Variants in MICAL2 observed in about 807,000 individuals in gnomAD.
MICAL2 encodes the protein [F-actin]-monooxygenase MICAL2.
Under a neutral mutation model 127.3 loss-of-function variants are expected in MICAL2, and 77 were observed. The ratio of observed to expected loss-of-function variants is 0.60; its 90% confidence interval spans 0.50 to 0.73. The LOEUF (loss-of-function observed/expected upper bound fraction) is 0.73. MICAL2 is among the 30% of genes least tolerant of loss of function. MICAL2 has a pLI of 0.00. For missense variants in MICAL2, 1,351 were observed against 1,434.4 expected (o/e 0.94, Z 0.94); for synonymous variants, 570 against 551.1 (o/e 1.03, Z -0.48).
At chr11:12,124,268 G>A (rs1364969112) in intron 1 of MICAL2, among the ~76,000 whole-genome samples, 1 of 152,136 alleles carries the variant, frequency 6.6e-6, no homozygotes, top group Non-Finnish European at 1.5e-5. Flanking sequence ...GGACCCCTCT[G>A]TCACACTCCT....
intron 1 of MICAL2, among the ~76,000 whole-genome samples, chr11:12,122,917 T>A (rs1850625094): frequency 6.6e-6 from 1 of 152,158 alleles, no homozygotes; most frequent in African/African-American, 2.4e-5. Flanking sequence ...AGGTGATCCA[T>A]CCTGTCTTTG....
At chr11:12,354,118 A>C (rs1018868792) in intron 33 of MICAL2, among the ~76,000 whole-genome samples, 1 of 152,202 alleles carries the variant, frequency 6.6e-6, no homozygotes, top group African/African-American at 2.4e-5. Context: ...TCTTGAGTTC[A>C]GTGTATCTCA....
intron 31 of MICAL2, among the ~76,000 whole-genome samples, chr11:12,324,509 G>C (rs1014962242): frequency 7.2e-5 from 11 of 152,160 alleles, no homozygotes; most frequent in African/African-American, 2.4e-4. Flanking sequence ...TAAGTATCTA[G>C]CATTCCAATA....
intron 11 of MICAL2, 72 bp from the exon 12 acceptor site, chr11:12,223,339 G>T: frequency 7.4e-7 from 1 of 1,357,262 alleles, no homozygotes; most frequent in East Asian, 2.3e-5. Flanking sequence ...TTGGGGGTGG[G>T]TCGAGTTTAG....
At chr11:12,182,964 G>T (rs558778482) in intron 3 of MICAL2, among the ~76,000 whole-genome samples, 1 of 152,108 alleles carries the variant, frequency 6.6e-6, no homozygotes, top group African/African-American at 2.4e-5. Context: ...CATTGTCCTC[G>T]GTGGCCCCGC....
At chr11:12,211,382 G>GA (rs886607705) in intron 6 of MICAL2, among the ~76,000 whole-genome samples, 41 of 152,032 alleles carry the variant, frequency 2.7e-4, no homozygotes, top group African/African-American at 8.9e-4. Context: ...CTCCATCTCA[G>GA]AAAAAAACAA....
chr11:12,151,819 A>G (rs1381804469), intron 2 of MICAL2, among the ~76,000 whole-genome samples: 1 of 152,208 alleles, frequency 6.6e-6, no homozygotes, highest in African/African-American at 2.4e-5. Flanking sequence ...GCAAGGGTCC[A>G]GGAGGAAGGA....
In MICAL2 at chr11:12,300,008, C is replaced by T. The variant is rs570180399; in HGVS notation, c.5212+5151C>T. On this transcript the variant is annotated intron_variant, in intron 29 of 34. Transcript: ENST00000646065. Reference sequence around the variant, plus strand: ...CGTGCTTGCTGTGTAGAATCTAGTCCTCTAGACTGGGCATGGTGGCTCACA... The same window carrying T: ...CGTGCTTGCTGTGTAGAATCTAGTCTTCTAGACTGGGCATGGTGGCTCACA... Among the ~76,000 whole-genome samples, 4 of 152,194 alleles carry T rather than the reference C, an allele frequency of 2.6e-5. No individual in the cohort carries two copies. In the South Asian group the frequency reaches 8.3e-4, roughly 32 times the overall value.
At chr11:12,198,120 AC>A (rs1480625584) in intron 3 of MICAL2, among the ~76,000 whole-genome samples, 1 of 152,026 alleles carries the variant, frequency 6.6e-6, no homozygotes, top group Non-Finnish European at 1.5e-5. Context: ...AGATTCCTCC[AC>A]AGCTAGAACC....
At chr11:12,156,074 T>C (rs1400549936) in intron 2 of MICAL2, among the ~76,000 whole-genome samples, 1 of 152,118 alleles carries the variant, frequency 6.6e-6, no homozygotes, top group Non-Finnish European at 1.5e-5. Context: ...CCAAAGAACT[T>C]GGGTTCTCAG....
upstream of MICAL2, among the ~76,000 whole-genome samples, chr11:12,273,492 C>T (rs1040181014): frequency 3.3e-5 from 5 of 151,542 alleles, no homozygotes; most frequent in East Asian, 1.9e-4. Context: ...AGCATCCACA[C>T]GCACCAGGGG....
At chr11:12,129,854 C>T (rs193148016) in intron 1 of MICAL2, among the ~76,000 whole-genome samples, 6 of 152,012 alleles carry the variant, frequency 3.9e-5, no homozygotes, top group African/African-American at 1.4e-4. Context: ...ACTTCAGGTG[C>T]ACGCCACCAT....
intron 33 of MICAL2, chr11:12,350,024 ACTTTTTCTCCTTGTG>A: frequency 9.9e-7 from 1 of 1,012,416 alleles, no homozygotes; most frequent in Non-Finnish European, 1.5e-6. Flanking sequence ...AAGTCTCGGG[ACTTTTTCTCCTTGTG>A]CATACAGAAT....
chr11:12,296,322 A>G (rs1158532080), downstream of MICAL2, among the ~76,000 whole-genome samples: 5 of 151,846 alleles, frequency 3.3e-5, no homozygotes, highest in South Asian at 2.1e-4. Flanking sequence ...CAAGTAATAT[A>G]TTATTTCTCT....
chr11:12,219,756 T>C (rs952525660), intron 8 of MICAL2, among the ~76,000 whole-genome samples: 1 of 152,216 alleles, frequency 6.6e-6, no homozygotes, highest in Non-Finnish European at 1.5e-5. Context: ...AAAGTTCTCA[T>C]GAGAACCAGA....
chr11:12,111,355 A>G (rs769353070), intron 1 of MICAL2, among the ~76,000 whole-genome samples: 4 of 152,140 alleles, frequency 2.6e-5, no homozygotes, highest in Non-Finnish European at 4.4e-5. Context: ...CTCTCGCTCC[A>G]GGCCCAGGAG....
chr11:12,360,196 GCC>G (rs1939187744), downstream of MICAL2, among the ~76,000 whole-genome samples: 1 of 21,796 alleles, frequency 4.6e-5, no homozygotes, highest in Non-Finnish European at 7.0e-4. Flanking sequence ...CTACCTACCT[GCC>G]TACCTATGAA....
intron 22 of MICAL2, chr11:12,250,010 G>A (rs1861329456): frequency 6.6e-6 from 1 of 152,294 alleles, no homozygotes; most frequent in African/African-American, 2.4e-5. Context: ...CCATCATTCT[G>A]CGTGGGGTCA....
rs558259424 is a variant in MICAL2, at chr11:12,209,367, C to A, written c.590-130C>A. The A allele has an allele frequency of 6.5e-5, 49 of 752,386 alleles. No homozygotes were observed. In the African/African-American group the frequency reaches 8.0e-4, roughly 12 times the overall value. The allele number at this position is 752,386 out of a possible 1,614,324, so 46.6% of individuals were successfully genotyped here. A position where few individuals can be genotyped will look rare whatever the true frequency, so the allele number is the denominator to read the frequency against. ...TGAATCTGGACTGCTCTAGCCTTTC[C>A]CCTGGAGGCTCTCTCTGTGATACAC... On this transcript the variant is annotated intron_variant, in intron 5 of 27. Transcript: ENST00000683283.
Sources: allele counts gnomAD v4.1 joint callset (sites outside exome capture counted in the v4.1 genomes callset), GRCh38; gene constraint gnomAD v4.1.1; transcripts MANE v1.5; gene names NCBI Gene and HGNC (gene_info 2026-07-23, HGNC 2026-07-21).